Variants in CTNND2 observed in about 807,000 individuals in gnomAD.
The protein encoded by CTNND2 is catenin delta 2, also known as catenin delta-2.
Under a neutral mutation model 144.4 loss-of-function variants are expected in CTNND2, and 22 were observed. That is an observed-to-expected ratio of 0.15 (90% CI 0.11 to 0.22). The LOEUF is 0.22. Ranked by LOEUF, CTNND2 falls within the 10% of genes least tolerant of loss-of-function variation. The probability of loss-of-function intolerance (pLI) is 1.00; values close to 1 mark genes in which losing one functional copy is unlikely to be tolerated. For synonymous variants in CTNND2, 751 were observed against 695.6 expected (o/e 1.08, Z -1.25); for missense variants, 1,353 against 1,618.8 (o/e 0.84, Z 2.82).
intron 1 of CTNND2, among the ~76,000 whole-genome samples, chr5:11,812,532 G>A (rs1467977888): frequency 1.3e-5 from 2 of 151,966 alleles, no homozygotes; most frequent in African/African-American, 2.4e-5. Context: ...AGTTTGCATC[G>A]AATTGCTTGG....
intron 2 of CTNND2, among the ~76,000 whole-genome samples, chr5:11,664,603 A>C (rs542955457): frequency 6.6e-5 from 10 of 152,220 alleles, no homozygotes; most frequent in Middle Eastern, 3.4e-3. Context: ...TATATAACTT[A>C]CTTTAAAGTT....
intron 9 of CTNND2, among the ~76,000 whole-genome samples, chr5:11,268,836 C>T (rs898233551): frequency 6.6e-6 from 1 of 152,058 alleles, no homozygotes; most frequent in African/African-American, 2.4e-5. Flanking sequence ...TCTTTTAAAA[C>T]AAGATGTTCA....
intron 2 of CTNND2, among the ~76,000 whole-genome samples, chr5:11,643,738 AAAT>A (rs1782194698): frequency 6.6e-6 from 1 of 152,108 alleles, no homozygotes; most frequent in Non-Finnish European, 1.5e-5. Context: ...AGAGACCAAA[AAAT>A]AATTATAATG....
At chr5:11,479,387 T>C (rs1200076435) in intron 3 of CTNND2, among the ~76,000 whole-genome samples, 1 of 152,232 alleles carries the variant, frequency 6.6e-6, no homozygotes, top group Non-Finnish European at 1.5e-5. Flanking sequence ...ATTTTATTTA[T>C]CCAATGTACC....
At chr5:11,397,346 C>T in intron 5 of CTNND2, 143 bp from the exon 6 acceptor site, 1 of 638,378 alleles carries the variant, frequency 1.6e-6, no homozygotes, top group Non-Finnish European at 2.4e-6. Flanking sequence ...ACTAAAATGA[C>T]CATATAATTT....
intron 11 of CTNND2, among the ~76,000 whole-genome samples, chr5:11,178,542 A>C (rs964871796): frequency 1.3e-5 from 2 of 152,190 alleles, no homozygotes; most frequent in African/African-American, 4.8e-5. Context: ...AAAACCTGTG[A>C]TATGAGTCCT....
chr5:11,376,169 A>C (rs1367021937), intron 7 of CTNND2, among the ~76,000 whole-genome samples: 2 of 152,084 alleles, frequency 1.3e-5, no homozygotes, highest in African/African-American at 2.4e-5. Flanking sequence ...GGAGAAATAA[A>C]TCTCTGTTGT....
intron 14 of CTNND2, among the ~76,000 whole-genome samples, chr5:11,105,607 C>T (rs749463553): frequency 7.9e-5 from 12 of 152,124 alleles, no homozygotes; most frequent in East Asian, 3.9e-4. Context: ...GAAAACTAAA[C>T]GAGACACCTG....
chr5:11,640,153 T>C (rs1781923840), intron 2 of CTNND2, among the ~76,000 whole-genome samples: 1 of 152,222 alleles, frequency 6.6e-6, no homozygotes, highest in Non-Finnish European at 1.5e-5. Flanking sequence ...ACTACTTTAG[T>C]GATAAAACAT....
At chr5:11,700,112 G>T (rs1183508400) in intron 2 of CTNND2, among the ~76,000 whole-genome samples, 2 of 152,124 alleles carry the variant, frequency 1.3e-5, no homozygotes, top group Non-Finnish European at 2.9e-5. Context: ...ACTTGGCCAG[G>T]CACAGTGGCT....
At chr5:11,893,515 T>C (rs1310436102) in intron 1 of CTNND2, among the ~76,000 whole-genome samples, 1 of 152,230 alleles carries the variant, frequency 6.6e-6, no homozygotes, top group Non-Finnish European at 1.5e-5. Flanking sequence ...GTTCTGTTTC[T>C]AAAACTAGTT....
chr5:11,301,097 A>G (rs544159176), intron 9 of CTNND2, among the ~76,000 whole-genome samples: 1 of 151,774 alleles, frequency 6.6e-6, no homozygotes, highest in South Asian at 2.1e-4. Context: ...GCTCATTGCA[A>G]CCTCCACCTC....
chr5:11,211,706 T>C (rs1241123574), intron 10 of CTNND2, among the ~76,000 whole-genome samples: 1 of 152,246 alleles, frequency 6.6e-6, no homozygotes, highest in Non-Finnish European at 1.5e-5. Context: ...GCACACATTT[T>C]AAAAACTGCT....
chr5:11,654,407 A>G (rs538898228), intron 2 of CTNND2, among the ~76,000 whole-genome samples: 93 of 152,124 alleles, frequency 6.1e-4, no homozygotes, highest in African/African-American at 2.2e-3. Flanking sequence ...AATGTCTTTC[A>G]TCAATGTTTT....
At chr5:11,653,386 C>T (rs1782747674) in intron 2 of CTNND2, among the ~76,000 whole-genome samples, 1 of 152,030 alleles carries the variant, frequency 6.6e-6, no homozygotes, top group Non-Finnish European at 1.5e-5. Flanking sequence ...CTCCTCACCT[C>T]AGTAACACTT....
At chr5:11,556,745 GA>G (rs1442462294) in intron 3 of CTNND2, among the ~76,000 whole-genome samples, 3 of 42,092 alleles carry the variant, frequency 7.1e-5, no homozygotes, top group Non-Finnish European at 1.3e-4. Flanking sequence ...GACTTTGTTG[GA>G]AACCTCTCTT....
chr5:11,154,569 C>T (rs1228199545), intron 12 of CTNND2, among the ~76,000 whole-genome samples: 2 of 152,204 alleles, frequency 1.3e-5, no homozygotes, highest in Non-Finnish European at 2.9e-5. Flanking sequence ...CTCCTCTTCT[C>T]AGTGCTGCAT....
chr5:11,247,360 C>A (rs1175068763), intron 9 of CTNND2, among the ~76,000 whole-genome samples: 1 of 152,136 alleles, frequency 6.6e-6, no homozygotes, highest in Non-Finnish European at 1.5e-5. Flanking sequence ...CTCTGTGAGA[C>A]CCTATGCAAA....
chr5:11,163,660 A>G (rs1034635894), intron 11 of CTNND2, among the ~76,000 whole-genome samples: 1 of 152,068 alleles, frequency 6.6e-6, no homozygotes, highest in South Asian at 2.1e-4. Flanking sequence ...TTCCCAGGAC[A>G]CTTTAATTCT....
Sources: gnomAD v4.1 joint callset for allele counts (sites outside exome capture counted in the v4.1 genomes callset) on GRCh38, gnomAD v4.1.1 for gene constraint, MANE v1.5 for transcripts, NCBI Gene and HGNC (gene_info 2026-07-23, HGNC 2026-07-21) for gene names.